The following EPB41L3 variants were observed in gnomAD, a reference collection of about 807,000 sequenced individuals.
The protein encoded by EPB41L3 is band 4.1-like protein 3.
EPB41L3 carries 57 observed loss-of-function variants against 127.1 expected under a neutral mutation model. The observed-to-expected ratio is 0.45, with a 90% CI of 0.36 to 0.56. The LOEUF is 0.56. Among genes scored for constraint, EPB41L3 ranks in the 20% least tolerant of loss-of-function variants. EPB41L3 has a pLI of 0.00. For missense variants in EPB41L3, 1,273 were observed against 1,372.2 expected, an observed-to-expected ratio of 0.93 and a Z score of 1.14; for synonymous variants, 572 against 549.5, an observed-to-expected ratio of 1.04 and a Z score of -0.57.
chr18:5,453,819 A>T (rs1270340139), intron 3 of EPB41L3, among the ~76,000 whole-genome samples: 1 of 152,190 alleles, frequency 6.6e-6, no homozygotes, highest in African/African-American at 2.4e-5. Context: ...CTATGTGTCT[A>T]AGAAGTGCTA....
chr18:5,496,151 T>C (rs1342025325), intron 1 of EPB41L3, among the ~76,000 whole-genome samples: 2 of 152,242 alleles, frequency 1.3e-5, no homozygotes, highest in Non-Finnish European at 2.9e-5. Context: ...TGCAGTAAGC[T>C]TTTAGCTTTT....
At chr18:5,598,914 A>G (rs1272635761) in intron 3 of EPB41L3, among the ~76,000 whole-genome samples, 1 of 152,234 alleles carries the variant, frequency 6.6e-6, no homozygotes, top group Non-Finnish European at 1.5e-5. Context: ...GGACACGGAC[A>G]GCATCAACTC....
chr18:5,581,254 C>T (rs1190622959), intron 3 of EPB41L3, among the ~76,000 whole-genome samples: 1 of 152,044 alleles, frequency 6.6e-6, no homozygotes, highest in Non-Finnish European at 1.5e-5. Context: ...ATTATTATTA[C>T]TTTTGGAGAA....
intron 3 of EPB41L3, among the ~76,000 whole-genome samples, chr18:5,566,376 A>G (rs1020218012): frequency 6.6e-6 from 1 of 152,198 alleles, no homozygotes; most frequent in African/African-American, 2.4e-5. Context: ...TTCAAAGAGA[A>G]TAAAATACCT....
chr18:5,411,064 A>C (rs1307095395), intron 13 of EPB41L3, among the ~76,000 whole-genome samples: 4 of 152,234 alleles, frequency 2.6e-5, no homozygotes, highest in Admixed American at 2.6e-4. Context: ...TTACAGAAAA[A>C]GCTACTGTAA....
At chr18:5,422,452 T>C (rs532871508) in intron 11 of EPB41L3, among the ~76,000 whole-genome samples, 1,613 of 104,872 alleles carry the variant, frequency 0.015, 29 homozygotes, top group African/African-American at 0.038. Context: ...TACCATGCAC[T>C]TGTAACTTTT....
At chr18:5,529,928 ATGTGTG>A (rs10611279) in intron 1 of EPB41L3, among the ~76,000 whole-genome samples, 2,038 of 146,846 alleles carry the variant, frequency 0.014, 36 homozygotes, top group African/African-American at 0.044. Context: ...CAACTCATAT[ATGTGTG>A]TGTGTGTGTG....
At chr18:5,491,806 A>C (rs2148350345) in intron 1 of EPB41L3, among the ~76,000 whole-genome samples, 1 of 152,366 alleles carries the variant, frequency 6.6e-6, no homozygotes, top group Middle Eastern at 3.4e-3. Flanking sequence ...TAAAACTTTA[A>C]AATGTACGTC....
At chr18:5,439,020 G>A (rs2080273290) in intron 5 of EPB41L3, among the ~76,000 whole-genome samples, 1 of 151,802 alleles carries the variant, frequency 6.6e-6, no homozygotes, top group Non-Finnish European at 1.5e-5. Flanking sequence ...GATCATTACT[G>A]TATTCACTCT....
At chr18:5,627,154 G>C (rs10853334) in intron 1 of EPB41L3, among the ~76,000 whole-genome samples, 30,480 of 151,978 alleles carry the variant, frequency 0.2, 3,653 homozygotes, top group East Asian at 0.57. Context: ...AAGTTCCCTT[G>C]CTGTTGCTGT....
In EPB41L3 at chr18:5,560,179, G is replaced by T. The variant is rs140378646; in HGVS notation, c.-306+52161C>A. Among the ~76,000 whole-genome samples, 13 of 152,286 alleles carry T rather than the reference G, an allele frequency of 8.5e-5. No individual in the cohort carries two copies. In the East Asian group the frequency reaches 2.5e-3, roughly 29 times the overall value. The stretch of plus-strand genomic sequence containing the variant: ...ACAAAAATGCTGAAAGTAATCTAAG[G>T]TGTTTGTATAAAAGGATGATATAAA... On this transcript the variant is annotated intron_variant, in intron 3 of 21. Coordinates refer to the EPB41L3 transcript ENST00000545076.
chr18:5,627,243 C>A (rs1445551058), intron 1 of EPB41L3, among the ~76,000 whole-genome samples: 2 of 152,192 alleles, frequency 1.3e-5, no homozygotes, highest in Non-Finnish European at 2.9e-5. Flanking sequence ...CATAACGCTT[C>A]CTTCCTTTTT....
intron 3 of EPB41L3, among the ~76,000 whole-genome samples, chr18:5,556,860 A>C (rs1435866205): frequency 1.3e-5 from 2 of 152,196 alleles, no homozygotes; most frequent in Non-Finnish European, 2.9e-5. Flanking sequence ...GATTAAATGA[A>C]ATAATTCATG....
chr18:5,465,729 TG>T (rs2084842621), intron 3 of EPB41L3, among the ~76,000 whole-genome samples: 1 of 152,162 alleles, frequency 6.6e-6, no homozygotes, highest in Admixed American at 6.5e-5. Flanking sequence ...TGAGGACTTC[TG>T]GGGATGAATA....
At chr18:5,445,054 T>C in intron 4 of EPB41L3, 86 bp downstream of exon 4, 1 of 949,642 alleles carries the variant, frequency 1.1e-6, no homozygotes, top group East Asian at 2.4e-5. Context: ...GTGGAGAAAG[T>C]GATCCACCCA....
chr18:5,603,507 T>A (rs146229804), intron 3 of EPB41L3, among the ~76,000 whole-genome samples: 149 of 152,328 alleles, frequency 9.8e-4, no homozygotes, highest in African/African-American at 3.5e-3. Flanking sequence ...GGAAGAGTGA[T>A]AATTCTGATT....
At chr18:5,601,367 T>C (rs1054614800) in intron 3 of EPB41L3, among the ~76,000 whole-genome samples, 4 of 152,186 alleles carry the variant, frequency 2.6e-5, no homozygotes, top group Admixed American at 2.0e-4. Flanking sequence ...CCCCCTGTGC[T>C]ATCCCAGGGC....
At chr18:5,577,467 G>T (rs1238845478) in intron 3 of EPB41L3, 1 of 363,238 alleles carries the variant, frequency 2.8e-6, no homozygotes, top group African/African-American at 2.2e-5. Flanking sequence ...GTGAAACACA[G>T]AAAGATCCCG....
intron 3 of EPB41L3, among the ~76,000 whole-genome samples, chr18:5,476,258 C>T (rs2087195848): frequency 6.6e-6 from 1 of 152,090 alleles, no homozygotes; most frequent in African/African-American, 2.4e-5. Flanking sequence ...AAAAATTCTA[C>T]CAGCAAAAGT....
Sources: allele counts gnomAD v4.1 joint callset (sites outside exome capture counted in the v4.1 genomes callset), GRCh38; gene constraint gnomAD v4.1.1; transcripts MANE v1.5; gene names NCBI Gene and HGNC (gene_info 2026-07-23, HGNC 2026-07-21).